PCDHA2: variants seen among roughly 807,000 people sequenced by gnomAD.
The protein encoded by PCDHA2 is protocadherin alpha-2.
PCDHA2 carries 58 observed loss-of-function variants against 66.0 expected under a neutral mutation model. The ratio of observed to expected loss-of-function variants is 0.88; its 90% CI spans 0.71 to 1.09. PCDHA2 has a LOEUF of 1.09. Ranked by LOEUF, PCDHA2 falls within the 50% of genes least tolerant of loss-of-function variation. PCDHA2 has a pLI of 0.00. For synonymous variants in PCDHA2, 634 were observed against 554.0 expected, an observed-to-expected ratio of 1.14 and a Z score of -2.03; for missense variants, 1,267 against 1,242.3, an observed-to-expected ratio of 1.02 and a Z score of -0.30.
At chr5:140,891,034 G>A (rs1377509789) in intron 1 of PCDHA2, among the ~76,000 whole-genome samples, 1 of 151,488 alleles carries the variant, frequency 6.6e-6, no homozygotes, top group Non-Finnish European at 1.5e-5. Context: ...ATAATCTTAG[G>A]TGTGACCCCC....
chr5:141,001,370 T>G (rs1187805238), intron 3 of PCDHA2, among the ~76,000 whole-genome samples: 1 of 152,218 alleles, frequency 6.6e-6, no homozygotes, highest in African/African-American at 2.4e-5. Context: ...ACTATTCTGA[T>G]TACAGAGCCT....
chr5:140,830,075 A>ACC, intron 1 of PCDHA2: 1 of 1,613,594 alleles, frequency 6.2e-7, no homozygotes, highest in Non-Finnish European at 8.5e-7. Context: ...GCTGACAGCG[A>ACC]CGGCCACGGT....
chr5:140,894,478 A>C (rs2064495460), intron 1 of PCDHA2, among the ~76,000 whole-genome samples: 2 of 151,508 alleles, frequency 1.3e-5, no homozygotes, highest in South Asian at 4.2e-4. Context: ...TCTTGTTTTC[A>C]TCTTATAGTT....
chr5:140,814,801 T>G (rs1765593283), intron 1 of PCDHA2: 1 of 152,204 alleles, frequency 6.6e-6, no homozygotes, highest in East Asian at 1.9e-4. Context: ...ATACAACACT[T>G]GACTTTATTG....
chr5:140,941,241 T>TTCTTTCTTTCTTTC (rs1247398838), intron 1 of PCDHA2, among the ~76,000 whole-genome samples: 1 of 140,458 alleles, frequency 7.1e-6, no homozygotes, highest in Non-Finnish European at 1.5e-5. Flanking sequence ...CTTTCTTTCT[T>TTCTTTCTTTCTTTC]TCTTTCTTTC....
intron 1 of PCDHA2, chr5:140,803,586 G>A (rs1321959847): frequency 1.2e-6 from 2 of 1,614,068 alleles, no homozygotes; most frequent in East Asian, 4.5e-5. Flanking sequence ...TGATCTCTCA[G>A]CCAAAGTGAG....
intron 1 of PCDHA2, chr5:140,883,711 C>T (rs1554179442): frequency 2.5e-6 from 4 of 1,613,576 alleles, no homozygotes; most frequent in Non-Finnish European, 3.4e-6. Flanking sequence ...CTGCTCAGGA[C>T]GCGGACGCAC....
intron 1 of PCDHA2, among the ~76,000 whole-genome samples, chr5:140,799,655 G>A (rs1554121005): frequency 6.6e-6 from 1 of 151,780 alleles, no homozygotes; most frequent in Non-Finnish European, 1.5e-5. Flanking sequence ...ATTTATTCAT[G>A]AAAACAACAA....
chr5:140,882,046 TACTTAC>T lies in PCDHA2; in HGVS notation c.2388+84703_2388+84708del, dbSNP rs2058922100. The T allele has an allele frequency of 1.6e-5, 12 of 728,060 alleles. No homozygotes were observed. In the South Asian group the frequency reaches 2.5e-4, roughly 15 times the overall value. 45.1% of individuals were successfully genotyped at this position (728,060 alleles called of 1,614,324 possible). ...AATGGAAAATATGAAGACTGAGTCA[TACTTAC>T]ACTTACACGTTCATGCGCATGGTGT... is the stretch of plus-strand genomic sequence containing the variant. On this transcript the variant is annotated intron_variant, in intron 1 of 3. Coordinates refer to ENST00000526136, the MANE Select transcript of PCDHA2 (RefSeq NM_018905.3).
chr5:140,922,275 C>T (rs782815629), intron 1 of PCDHA2, among the ~76,000 whole-genome samples: 1 of 152,052 alleles, frequency 6.6e-6, no homozygotes, highest in Non-Finnish European at 1.5e-5. Context: ...AAGATTGGAC[C>T]AAGATATGAA....
chr5:140,879,184 T>C (rs1368886985), intron 1 of PCDHA2, among the ~76,000 whole-genome samples: 1 of 152,136 alleles, frequency 6.6e-6, no homozygotes, highest in Admixed American at 6.5e-5. Flanking sequence ...TATCAAGTAA[T>C]GGAGACTTAA....
intron 1 of PCDHA2, chr5:140,967,979 G>A (rs1405177525): frequency 1.2e-6 from 2 of 1,614,100 alleles, no homozygotes; most frequent in African/African-American, 1.3e-5. Flanking sequence ...CCTGGGTCTG[G>A]AGGCCACACT....
At position 140,795,850 on chromosome 5, in the gene PCDHA2, G is replaced by A; in HGVS notation, c.886G>A (p.Asp296Asn). 6.2e-7 allele frequency: 1 copy of A among 1,613,920 alleles called. No homozygotes were observed. The highest frequency in any genetic ancestry group is 1.7e-5 in the Admixed American group (1 of 60,016). The change falls in exon 1 of 4, where the codon GAT becomes AAT. Residue 296 changes from aspartate to asparagine, a missense_variant. Asp to Asn is a conservative substitution (Grantham distance 23). Transcript: ENST00000526136. ...SSTIQTKFTI[D>N]PISGEIRTKG... Reference sequence around the variant, plus strand: ...CACTATACAGACTAAGTTTACCATAGATCCCATCTCAGGGGAAATCAGAAC... The same window carrying A: ...CACTATACAGACTAAGTTTACCATAAATCCCATCTCAGGGGAAATCAGAAC...
intron 1 of PCDHA2, among the ~76,000 whole-genome samples, chr5:140,846,800 G>A (rs1554141497): frequency 6.7e-6 from 1 of 149,352 alleles, no homozygotes; most frequent in African/African-American, 2.5e-5. Flanking sequence ...CCCAGCCCCT[G>A]GCTTTAAAAT....
In PCDHA2 at chr5:140,796,038, C is replaced by G. The variant is rs200785856; in HGVS notation, c.1074C>G (p.Pro358=). 9 of 1,614,212 alleles carry G rather than the reference C, an allele frequency of 5.6e-6. No homozygotes were observed. The highest frequency in any genetic ancestry group is 7.6e-6 in the Non-Finnish European group (9 of 1,180,028). Reference sequence around the variant, plus strand: ...TCTCAATAACGTCTCTCTCACTTCCCATCTCAGAGAACGCTTCCCTGGGCA... The same window carrying G: ...TCTCAATAACGTCTCTCTCACTTCCGATCTCAGAGAACGCTTCCCTGGGCA... The part of the protein sequence containing the change: ...PEVSITSLSL[P]ISENASLGTV... The change falls in exon 1 of 4, where the codon CCC becomes CCG. Residue 358 remains proline, a synonymous_variant. Coordinates refer to ENST00000526136, the MANE Select transcript of PCDHA2 (RefSeq NM_018905.3).
intron 1 of PCDHA2, chr5:140,862,463 G>C (rs2047375519): frequency 2.7e-6 from 1 of 370,738 alleles, no homozygotes. Flanking sequence ...TGGACCAAGA[G>C]AGCAAATCTA....
At chr5:140,872,545 TGAACCCAGGGGTTCAG>T (rs1372003067) in intron 1 of PCDHA2, among the ~76,000 whole-genome samples, 1 of 152,158 alleles carries the variant, frequency 6.6e-6, no homozygotes, top group Non-Finnish European at 1.5e-5. Flanking sequence ...GAGGATCCCC[TGAACCCAGGGGTTCAG>T]GGCTGCAGTG....
chr5:140,952,857 G>T (rs2094808262), intron 1 of PCDHA2, among the ~76,000 whole-genome samples: 1 of 152,120 alleles, frequency 6.6e-6, no homozygotes, highest in Non-Finnish European at 1.5e-5. Context: ...TTCTGGGGAG[G>T]CCTCAGGAAA....
At chr5:140,850,169 G>A in intron 1 of PCDHA2, 2 of 1,594,742 alleles carry the variant, frequency 1.3e-6, no homozygotes, top group Non-Finnish European at 1.7e-6. Flanking sequence ...TGCTGGACGA[G>A]AACGACAATG....
Sources: allele counts gnomAD v4.1 joint callset (sites outside exome capture counted in the v4.1 genomes callset), GRCh38; gene constraint gnomAD v4.1.1; transcripts MANE v1.5; gene names NCBI Gene and HGNC (gene_info 2026-07-23, HGNC 2026-07-21).